Variants in LARP4B observed in about 807,000 individuals in gnomAD.
The protein encoded by LARP4B is La ribonucleoprotein 4B.
Under a neutral mutation model 89.8 loss-of-function variants are expected in LARP4B, and 12 were observed. The ratio of observed to expected loss-of-function variants is 0.13; its 90% CI spans 0.09 to 0.22. LARP4B has a LOEUF of 0.22. Ranked by LOEUF, LARP4B falls within the 10% of genes least tolerant of loss-of-function variation. LARP4B has a pLI of 1.00. For missense variants in LARP4B, 757 were observed against 947.7 expected (o/e 0.80, Z 2.64); for synonymous variants, 367 against 363.3 (o/e 1.01, Z -0.12).
chr10:938,565 T>C, the LARP4B span, among the ~76,000 whole-genome samples: 2,193 of 152,316 alleles, frequency 0.014, 37 homozygotes, highest in Admixed American at 0.046. Context: ...ATTGGTTCAT[T>C]GTTTTATGGC....
At position 828,434 on chromosome 10, in the gene LARP4B, C is replaced by T. The variant is rs116636277; in HGVS notation, c.1125+951G>A. 5.6e-3 allele frequency among the ~76,000 whole-genome samples: 846 copies of T among 152,258 alleles called. 6 individuals carry two copies. Among genetic ancestry groups the T allele is most frequent in the African/African-American group, 0.019 (795 of 41,554 alleles). ...TTCATGGACCCGTATCTTTACTTTCCGTGTATACAGGCACTTGTTTTCTCA... is the reference window on the plus strand; with the variant it reads ...TTCATGGACCCGTATCTTTACTTTCTGTGTATACAGGCACTTGTTTTCTCA... On this transcript the variant is annotated intron_variant, in intron 11 of 17. Coordinates refer to ENST00000316157, the MANE Select transcript of LARP4B (RefSeq NM_015155.3).
intron 1 of LARP4B, among the ~76,000 whole-genome samples, chr10:915,131 G>A (rs1206036823): frequency 6.6e-6 from 1 of 152,124 alleles, no homozygotes; most frequent in East Asian, 1.9e-4. Flanking sequence ...CATGGTCCAA[G>A]CTGATTGAGA....
intron 1 of LARP4B, among the ~76,000 whole-genome samples, chr10:913,884 G>C (rs1836744867): frequency 6.6e-6 from 1 of 152,146 alleles, no homozygotes; most frequent in Non-Finnish European, 1.5e-5. Context: ...ACTCCAGCCT[G>C]GGTGACACAG....
chr10:965,184 T>C, the LARP4B span, among the ~76,000 whole-genome samples: 1 of 152,372 alleles, frequency 6.6e-6, no homozygotes, highest in Admixed American at 6.5e-5. Flanking sequence ...TGTCTGTGTC[T>C]GTCCTGCTGG....
At chr10:913,013 A>C (rs926418713) in intron 1 of LARP4B, among the ~76,000 whole-genome samples, 2 of 152,262 alleles carry the variant, frequency 1.3e-5, no homozygotes, top group African/African-American at 4.8e-5. Context: ...CTTAAAGTTT[A>C]CAGAGCAAAC....
At chr10:958,566 C>G in the LARP4B span, among the ~76,000 whole-genome samples, 1 of 152,234 alleles carries the variant, frequency 6.6e-6, no homozygotes, top group South Asian at 2.1e-4. Flanking sequence ...GCAGGGGCCT[C>G]TGCACACCCC....
At chr10:853,479 T>C (rs1247904390) in intron 5 of LARP4B, among the ~76,000 whole-genome samples, 1 of 151,074 alleles carries the variant, frequency 6.6e-6, no homozygotes, top group Non-Finnish European at 1.5e-5. Context: ...GGGTCAGGAG[T>C]TCAAGACCAG....
chr10:957,428 A>G, the LARP4B span, among the ~76,000 whole-genome samples: 1 of 152,162 alleles, frequency 6.6e-6, no homozygotes, highest in East Asian at 1.9e-4. Flanking sequence ...GGCCTCCCAA[A>G]GTGCTGGGAT....
chr10:821,772 G>A (rs1832362651), intron 13 of LARP4B, among the ~76,000 whole-genome samples: 1 of 152,232 alleles, frequency 6.6e-6, no homozygotes, highest in Non-Finnish European at 1.5e-5. Context: ...AAACCCTCTA[G>A]GGCAAGGACG....
chr10:924,277 T>C (rs923537102), intron 1 of LARP4B: 5 of 152,112 alleles, frequency 3.3e-5, no homozygotes, highest in African/African-American at 1.2e-4. Context: ...TTATATGTAA[T>C]ACAAATTAAA....
chr10:986,290 C>T, the LARP4B span: 1 of 152,244 alleles, frequency 6.6e-6, no homozygotes, highest in Non-Finnish European at 1.5e-5. Context: ...AAGTACCTTT[C>T]TGTCACAAGG....
At chr10:941,879 G>A in the LARP4B span, among the ~76,000 whole-genome samples, 10 of 151,990 alleles carry the variant, frequency 6.6e-5, no homozygotes, top group Non-Finnish European at 1.5e-4. Context: ...GGGCTCAAGC[G>A]ATCCTCCCAC....
At chr10:846,863 A>G (rs1336458745) in intron 5 of LARP4B, among the ~76,000 whole-genome samples, 2 of 152,194 alleles carry the variant, frequency 1.3e-5, no homozygotes, top group African/African-American at 4.8e-5. Flanking sequence ...AGGCAAGCGC[A>G]TGAGGGCCAA....
chr10:948,391 T>C, the LARP4B span, among the ~76,000 whole-genome samples: 2 of 152,098 alleles, frequency 1.3e-5, no homozygotes, highest in Non-Finnish European at 2.9e-5. Context: ...GGATTACAGG[T>C]GCCCACCACC....
At chr10:877,282 G>T (rs1835497036) in intron 3 of LARP4B, among the ~76,000 whole-genome samples, 2 of 152,314 alleles carry the variant, frequency 1.3e-5, no homozygotes, top group South Asian at 4.1e-4. Context: ...TTGGGAGGCT[G>T]AGGTAGGAGG....
At chr10:925,524 ATTTAT>A (rs933216352) in intron 1 of LARP4B, among the ~76,000 whole-genome samples, 3 of 152,060 alleles carry the variant, frequency 2.0e-5, no homozygotes, top group East Asian at 1.9e-4. Flanking sequence ...AAAAGGGGGC[ATTTAT>A]TTTATTTTAT....
chr10:942,543 C>G, the LARP4B span: 2 of 152,168 alleles, frequency 1.3e-5, no homozygotes, highest in Admixed American at 1.3e-4. Flanking sequence ...AATGGAACAG[C>G]CTCTGCAAAG....
At chr10:871,268 C>T (rs953028763) in intron 3 of LARP4B, among the ~76,000 whole-genome samples, 1 of 152,184 alleles carries the variant, frequency 6.6e-6, no homozygotes, top group Non-Finnish European at 1.5e-5. Flanking sequence ...TTCCTCTGTG[C>T]AGGTGAAAAT....
chr10:975,563 G>A, the LARP4B span, among the ~76,000 whole-genome samples: 1 of 152,254 alleles, frequency 6.6e-6, no homozygotes, highest in Non-Finnish European at 1.5e-5. Context: ...CGACTTTCAA[G>A]GGAGCTCCAC....
Sources: gnomAD v4.1 joint callset for allele counts (sites outside exome capture counted in the v4.1 genomes callset) on GRCh38, gnomAD v4.1.1 for gene constraint, MANE v1.5 for transcripts, NCBI Gene and HGNC (gene_info 2026-07-23, HGNC 2026-07-21) for gene names.